FCHO2: variants seen among roughly 807,000 people sequenced by gnomAD.
FCHO2 encodes the protein FCH and mu domain containing endocytic adaptor 2, also known as F-BAR domain only protein 2.
A neutral mutation model predicts 114.1 loss-of-function variants in FCHO2; 43 were observed. That is an observed-to-expected ratio of 0.38 (90% CI 0.30 to 0.49). FCHO2 has a LOEUF of 0.49. Among genes scored for constraint, FCHO2 ranks in the 20% least tolerant of loss-of-function variants. The pLI is 0.97. For missense variants in FCHO2, 807 were observed against 950.4 expected, an observed-to-expected ratio of 0.85 and a Z score of 1.98; for synonymous variants, 293 against 315.2, an observed-to-expected ratio of 0.93 and a Z score of 0.75.
chr5:72,999,079 C>G (rs1478022180), intron 5 of FCHO2, among the ~76,000 whole-genome samples: 1 of 151,992 alleles, frequency 6.6e-6, no homozygotes, highest in Admixed American at 6.6e-5. Flanking sequence ...AAAATTCACC[C>G]TGTGCTTCAC....
chr5:73,025,364 A>G (rs1412303600), intron 8 of FCHO2, among the ~76,000 whole-genome samples: 1 of 131,478 alleles, frequency 7.6e-6, no homozygotes, highest in South Asian at 2.4e-4. Context: ...GCCCACCACC[A>G]CACCCAGCTA....
rs1743352030 is a variant in FCHO2 at position 73,087,575 on chromosome 5, T to G, written c.2246-14T>G. The G allele has an allele frequency of 1.2e-6, 2 of 1,612,876 alleles. No individual in the cohort carries two copies. The highest frequency in any genetic ancestry group is 1.7e-6 in the Non-Finnish European group (2 of 1,179,308). Reference sequence around the variant, plus strand: ...ATTTTACCCTGTGTAAGTGCTTTATTCTTTTCTTTGTAGGTTCTGGGTCCC... The same window carrying G: ...ATTTTACCCTGTGTAAGTGCTTTATGCTTTTCTTTGTAGGTTCTGGGTCCC... On this transcript the variant is annotated splice_polypyrimidine_tract_variant and intron_variant, in intron 24 of 25. Transcript: ENST00000430046.
intron 24 of FCHO2, among the ~76,000 whole-genome samples, chr5:73,083,108 T>A (rs944208683): frequency 3.3e-5 from 5 of 151,984 alleles, no homozygotes; most frequent in Admixed American, 6.6e-5. Flanking sequence ...ATGGTCTCGA[T>A]CTCCTGACCT....
In FCHO2 at chr5:73,033,894, T is replaced by A. The variant is rs147515432; in HGVS notation, c.797-763T>A. Among the ~76,000 whole-genome samples the A allele has an allele frequency of 8.5e-5, 13 of 152,328 alleles. No homozygotes were observed. The East Asian group carries it at 2.3e-3, about 27-fold the overall frequency. On this transcript the variant is annotated intron_variant, in intron 8 of 25. Coordinates refer to ENST00000430046, the MANE Select transcript of FCHO2 (RefSeq NM_138782.3). ...TCAGTCATTTCAGGGCTATTTTAAT[T>A]GTTTTCTAATGATTTCCACTTTATC...
chr5:73,015,271 T>A (rs193112770), intron 6 of FCHO2, among the ~76,000 whole-genome samples: 1 of 151,796 alleles, frequency 6.6e-6, no homozygotes, highest in East Asian at 2.0e-4. Context: ...TGATTTCTTT[T>A]TTTTTTTTGG....
intron 8 of FCHO2, among the ~76,000 whole-genome samples, chr5:73,017,633 T>C (rs533157644): frequency 9.9e-5 from 15 of 152,134 alleles, no homozygotes; most frequent in Non-Finnish European, 2.1e-4. Context: ...GTTTTAGATT[T>C]TTCAAAATAG....
At chr5:73,060,908 T>A (rs1050767603) in intron 17 of FCHO2, among the ~76,000 whole-genome samples, 10 of 151,622 alleles carry the variant, frequency 6.6e-5, no homozygotes, top group South Asian at 2.1e-4. Flanking sequence ...TGTGTATTTT[T>A]AAAAATTTAA....
At chr5:73,037,032 G>A (rs967797132) in intron 9 of FCHO2, 111 bp from the exon 10 acceptor site, 24 of 576,520 alleles carry the variant, frequency 4.2e-5, no homozygotes, top group Middle Eastern at 4.2e-4. Context: ...TCCACATTTA[G>A]CATCAGCAGT....
At chr5:73,047,053 T>A (rs915504490) in intron 11 of FCHO2, among the ~76,000 whole-genome samples, 1 of 152,234 alleles carries the variant, frequency 6.6e-6, no homozygotes, top group African/African-American at 2.4e-5. Flanking sequence ...CATTAAAATT[T>A]TTTTGAAATT....
chr5:72,989,452 A>T lies in FCHO2; in HGVS notation c.151A>T (p.Arg51Trp). The T allele has an allele frequency of 6.2e-7, 1 of 1,607,278 alleles. No individual in the cohort carries two copies. The highest frequency in any genetic ancestry group is 8.5e-7 in the Non-Finnish European group (1 of 1,176,602). Residue 51 changes from arginine to tryptophan, a missense_variant, in exon 3 of 26, where the codon AGG becomes TGG. Transcript: ENST00000430046. ...ERATIEEAYSRSMTKLAKSAS... is the reference protein window; with the variant it reads ...ERATIEEAYSWSMTKLAKSAS... ...AGCTACCATAGAGGAGGCATACTCC[A>T]GGTCAATGACAAAACTAGCAAAATC...
chr5:73,078,939 A>G (rs1015528121), intron 22 of FCHO2, among the ~76,000 whole-genome samples: 4 of 152,234 alleles, frequency 2.6e-5, no homozygotes, highest in Non-Finnish European at 4.4e-5. Flanking sequence ...TGACTTGAAT[A>G]TGGAAAGATT....
chr5:73,006,075 A>G (rs931837879), intron 5 of FCHO2, among the ~76,000 whole-genome samples: 7 of 151,936 alleles, frequency 4.6e-5, no homozygotes, highest in African/African-American at 1.7e-4. Flanking sequence ...TTCTGGTGGT[A>G]TTGTGACATT....
chr5:73,043,511 C>T (rs546572900), intron 11 of FCHO2, among the ~76,000 whole-genome samples: 1 of 152,068 alleles, frequency 6.6e-6, no homozygotes, highest in South Asian at 2.1e-4. Context: ...CACACTTGAT[C>T]AAGATTCATG....
At chr5:73,083,892 C>CAA (rs765390330) in intron 24 of FCHO2, among the ~76,000 whole-genome samples, 45 of 79,144 alleles carry the variant, frequency 5.7e-4, no homozygotes, top group African/African-American at 8.1e-4. Context: ...GACTCTGTCT[C>CAA]AAAAAAAAAA....
At chr5:72,996,864 CG>C in intron 5 of FCHO2, 2 of 1,355,664 alleles carry the variant, frequency 1.5e-6, no homozygotes, top group Non-Finnish European at 1.0e-6. Context: ...AGCTGTGCCA[CG>C]GGGGCCCCCG....
intron 8 of FCHO2, among the ~76,000 whole-genome samples, chr5:73,031,320 GTGTT>G (rs1419174592): frequency 3.3e-5 from 5 of 152,240 alleles, no homozygotes; most frequent in Middle Eastern, 3.4e-3. Flanking sequence ...ATGTCTGAGA[GTGTT>G]TGTGTTTAGC....
intron 1 of FCHO2, among the ~76,000 whole-genome samples, chr5:72,968,018 G>A (rs547268097): frequency 1.1e-4 from 16 of 151,268 alleles, no homozygotes; most frequent in Admixed American, 4.6e-4. Context: ...TCTGCCTCCC[G>A]GGTTCACGCC....
intron 2 of FCHO2, among the ~76,000 whole-genome samples, chr5:72,987,125 C>T (rs1357377566): frequency 6.6e-6 from 1 of 152,028 alleles, no homozygotes; most frequent in Non-Finnish European, 1.5e-5. Flanking sequence ...ATCCACCTGC[C>T]TCAGCCTCCC....
At chr5:73,029,374 A>G (rs1311894419) in intron 8 of FCHO2, among the ~76,000 whole-genome samples, 1 of 152,206 alleles carries the variant, frequency 6.6e-6, no homozygotes, top group Non-Finnish European at 1.5e-5. Context: ...CAAAATGTGT[A>G]TGTAAGAGGA....
Sources: gnomAD v4.1 joint callset for allele counts (sites outside exome capture counted in the v4.1 genomes callset) on GRCh38, gnomAD v4.1.1 for gene constraint, MANE v1.5 for transcripts, NCBI Gene and HGNC (gene_info 2026-07-23, HGNC 2026-07-21) for gene names.